Variants in CPEB4 observed in about 807,000 individuals in gnomAD.
CPEB4 encodes the protein cytoplasmic polyadenylation element-binding protein 4.
CPEB4 carries 12 observed loss-of-function variants against 72.5 expected under a neutral mutation model. That is an observed-to-expected ratio of 0.17 (90% CI 0.11 to 0.27). The LOEUF is 0.27. Among genes scored for constraint, CPEB4 ranks in the 10% least tolerant of loss-of-function variants. The pLI, the probability that CPEB4 is intolerant of heterozygous loss-of-function variation, is 1.00. For synonymous variants in CPEB4, 302 were observed against 326.3 expected (o/e 0.93, Z 0.80); for missense variants, 614 against 908.5 (o/e 0.68, Z 4.17).
rs55730307 is a variant in CPEB4, at chr5:173,938,864, A to G, written c.1259-4162A>G. On this transcript the variant is annotated intron_variant, in intron 3 of 9. Coordinates refer to ENST00000265085, the MANE Select transcript of CPEB4 (RefSeq NM_030627.4). ...AACCAAAAAGGGTTCATTAACAAAT[A>G]TAGCAATATAGCATATGCAATAATA... Among the ~76,000 whole-genome samples the G allele has an allele frequency of 5.7e-3, 873 of 152,364 alleles. 7 individuals carry two copies. Among genetic ancestry groups the G allele is most frequent in the African/African-American group, 0.018 (756 of 41,584 alleles).
At position 173,960,644 on chromosome 5, in the gene CPEB4, A is replaced by T. The variant is rs1561638099; in HGVS notation, c.*4507A>T. 6.6e-6 allele frequency: 1 copy of T among 152,224 alleles called. No individual in the cohort carries two copies. The highest frequency in any genetic ancestry group is 1.5e-5 in the Non-Finnish European group (1 of 68,048). The allele number at this position is 152,224 out of a possible 1,614,324, so 9.4% of individuals were successfully genotyped here. On this transcript the variant is annotated 3_prime_UTR_variant, in exon 10 of 10. Coordinates refer to ENST00000265085, the MANE Select transcript of CPEB4 (RefSeq NM_030627.4). ...CAGTTGAAGGCCAAATGCCCAACAA[A>T]AGTGAAAAACCCAATGTTTAGTTAA...
At chr5:173,917,174 GAATA>G (rs1305137823) in intron 2 of CPEB4, among the ~76,000 whole-genome samples, 2 of 152,196 alleles carry the variant, frequency 1.3e-5, no homozygotes, top group Non-Finnish European at 2.9e-5. Flanking sequence ...AGTAATTTGG[GAATA>G]AATAATTTTT....
chr5:173,915,018 G>A (rs1453218530), intron 2 of CPEB4, among the ~76,000 whole-genome samples: 1 of 152,126 alleles, frequency 6.6e-6, no homozygotes, highest in African/African-American at 2.4e-5. Flanking sequence ...ACTACCAGTT[G>A]AATCTATTGG....
At position 173,959,200 on chromosome 5, in the gene CPEB4, C is replaced by T. The variant is rs12659398; in HGVS notation, c.*3063C>T. On this transcript the variant is annotated 3_prime_UTR_variant, in exon 10 of 10. Transcript: ENST00000265085. ...ATGTAGTTCTAGCGCACTAGCATGG[C>T]GCCAGCCATGTACTTACAATGTAGT... 13,813 of 152,804 alleles carry T rather than the reference C, an allele frequency of 0.09. 1,647 individuals are homozygous for T. Among genetic ancestry groups the T allele is most frequent in the East Asian group, 0.51 (2,690 of 5,318 alleles). The allele number at this position is 152,804 out of a possible 1,614,324, so 9.5% of individuals were successfully genotyped here.
chr5:173,942,076 T>G (rs1429577140), intron 3 of CPEB4, among the ~76,000 whole-genome samples: 2 of 152,198 alleles, frequency 1.3e-5, no homozygotes, highest in Non-Finnish European at 2.9e-5. Context: ...CCCCAACTTT[T>G]TCATCAGAGT....
intron 3 of CPEB4, among the ~76,000 whole-genome samples, chr5:173,939,956 C>CAAAAAAA (rs35154045): frequency 2.9e-5 from 2 of 68,376 alleles, no homozygotes; most frequent in Admixed American, 1.6e-4. Flanking sequence ...TAATAAAATA[C>CAAAAAAA]AAAAAAAAAA....
intron 1 of CPEB4, among the ~76,000 whole-genome samples, chr5:173,908,379 G>A (rs72810999): frequency 0.011 from 1,604 of 152,308 alleles, 12 homozygotes; most frequent in Middle Eastern, 0.034. Context: ...GAGCAGGATA[G>A]AATGGTAAGG....
intron 2 of CPEB4, among the ~76,000 whole-genome samples, chr5:173,930,471 G>T (rs1757406604): frequency 6.6e-6 from 1 of 152,128 alleles, no homozygotes. Context: ...TTAAAAAGTA[G>T]CCTAGATAGA....
At chr5:173,953,520 A>C in intron 9 of CPEB4, 1 of 407,640 alleles carries the variant, frequency 2.5e-6, no homozygotes, top group Admixed American at 4.2e-5. Context: ...ACTTCCATTC[A>C]ATCTCAATCC....
intron 9 of CPEB4, among the ~76,000 whole-genome samples, chr5:173,953,933 T>C (rs1169616362): frequency 6.6e-6 from 1 of 152,066 alleles, no homozygotes; most frequent in African/African-American, 2.4e-5. Context: ...GTAAACTTAG[T>C]TTGTAGTGAG....
chr5:173,933,546 C>T (rs141740986), intron 3 of CPEB4, among the ~76,000 whole-genome samples: 84 of 152,020 alleles, frequency 5.5e-4, no homozygotes, highest in African/African-American at 1.7e-3. Flanking sequence ...TGCTACAGTG[C>T]GAGAAATAAT....
At chr5:173,903,013 A>T (rs1321389468) in intron 1 of CPEB4, among the ~76,000 whole-genome samples, 1 of 151,710 alleles carries the variant, frequency 6.6e-6, no homozygotes, top group Non-Finnish European at 1.5e-5. Flanking sequence ...GAGAGAAGAC[A>T]TGTCAGTAGT....
At position 173,950,149 on chromosome 5, in the gene CPEB4, T is replaced by A; in HGVS notation, c.1665+71T>A. The A allele has an allele frequency of 3.4e-6, 3 of 886,072 alleles. No individual in the cohort carries two copies. Among genetic ancestry groups the A allele is most frequent in the Non-Finnish European group, 3.6e-6 (2 of 556,776 alleles). The allele number at this position is 886,072 out of a possible 1,614,324, so 54.9% of individuals were successfully genotyped here. A position where few individuals can be genotyped will look rare whatever the true frequency, so the allele number is the denominator to read the frequency against. ...TCATCTGTTATATTTGAAAAACCCA[T>A]AGACAACTTGATGTGTTTGGGGTAC... On this transcript the variant is annotated intron_variant, in intron 7 of 9. Transcript: ENST00000265085. The surrounding 1 kb of genome is among the most constrained non-coding windows in gnomAD (Gnocchi z 5.0).
chr5:173,890,351 G>C lies in CPEB4; in HGVS notation c.618G>C (p.Leu206Phe). ...CTTCGGCTAATAACGGTGCTCTGTT[G>C]TTTCAAAATTTCCCCCATCATGTCA... is the stretch of plus-strand genomic sequence containing the variant. ...PAASANNGAL[L>F]FQNFPHHVSP... Residue 206 changes from leucine (L) to phenylalanine (F), a missense_variant, in exon 1 of 10, where the codon TTG (leucine) becomes TTC (phenylalanine). Leu to Phe is a conservative substitution (Grantham distance 22). Around this residue, in one of 5 missense-constraint regions of CPEB4, gnomAD observed 458 missense variants for 548.6 expected, o/e 0.83. Coordinates refer to ENST00000265085, the MANE Select transcript of CPEB4 (RefSeq NM_030627.4). The C allele has an allele frequency of 6.2e-7, 1 of 1,614,138 alleles. No individual in the cohort carries two copies. The highest frequency in any genetic ancestry group is 2.2e-5 in the East Asian group (1 of 44,878).
In CPEB4 at chr5:173,889,998, G is replaced by T; in HGVS notation, c.265G>T (p.Asp89Tyr). The part of the protein sequence containing the change: ...KAKSQQQEQQ[D>Y]PLEKQQLSPS... ...AAAAAGTCAGCAACAGGAACAGCAA[G>T]ACCCCTTAGAAAAGCAGCAGCTTTC... The change falls in exon 1 of 10, where the codon GAC (aspartate) becomes TAC (tyrosine). Residue 89 changes from aspartate to tyrosine, a missense_variant. Coordinates refer to ENST00000265085, the MANE Select transcript of CPEB4 (RefSeq NM_030627.4). 6.2e-7 allele frequency: 1 copy of T among 1,614,184 alleles called. No homozygotes were observed. Among genetic ancestry groups the T allele is most frequent in the Non-Finnish European group, 8.5e-7 (1 of 1,180,034 alleles).
intron 3 of CPEB4, among the ~76,000 whole-genome samples, chr5:173,934,521 G>A (rs767291027): frequency 3.9e-5 from 6 of 152,128 alleles, no homozygotes; most frequent in East Asian, 1.9e-4. Context: ...AGCAAGACCC[G>A]GGAGTGTGGG....
chr5:173,917,754 A>G (rs1756924504), intron 2 of CPEB4, among the ~76,000 whole-genome samples: 1 of 152,208 alleles, frequency 6.6e-6, no homozygotes, highest in African/African-American at 2.4e-5. Context: ...GAAGAAATGG[A>G]TAACGCAAAC....
chr5:173,919,152 G>T (rs975507842), intron 2 of CPEB4, among the ~76,000 whole-genome samples: 1 of 152,084 alleles, frequency 6.6e-6, no homozygotes, highest in African/African-American at 2.4e-5. Flanking sequence ...ACTATGTGTG[G>T]TAGATAAAAA....
chr5:173,909,083 A>G (rs1215584291), intron 1 of CPEB4, among the ~76,000 whole-genome samples: 2 of 152,208 alleles, frequency 1.3e-5, no homozygotes, highest in Non-Finnish European at 2.9e-5. Context: ...ATGTCAGAGC[A>G]CTTGGGATGT....
Sources: allele counts gnomAD v4.1 joint callset (sites outside exome capture counted in the v4.1 genomes callset), GRCh38; gene constraint gnomAD v4.1.1; regional missense constraint gnomAD v4.1.1; non-coding constraint Gnocchi (gnomAD v3.1); transcripts MANE v1.5; gene names NCBI Gene and HGNC (gene_info 2026-07-23, HGNC 2026-07-21).